ZNF106: variants seen among roughly 807,000 people sequenced by gnomAD.
ZNF106 encodes the protein SH3-domain binding protein 3.
Under a neutral mutation model 195.1 loss-of-function variants are expected in ZNF106, and 67 were observed. The observed-to-expected ratio is 0.34, with a 90% CI of 0.28 to 0.42. The LOEUF (loss-of-function observed/expected upper bound fraction) is 0.42. Among genes scored for constraint, ZNF106 ranks in the 10% least tolerant of loss-of-function variants. The pLI is 1.00. For synonymous variants in ZNF106, 784 were observed against 818.6 expected (o/e 0.96, Z 0.72); for missense variants, 2,118 against 2,304.5 (o/e 0.92, Z 1.66).
At chr15:42,422,768 AATACAACTGT>A (rs2054716236) in intron 17 of ZNF106, 148 bp from the exon 18 acceptor site, 2 of 742,974 alleles carry the variant, frequency 2.7e-6, no homozygotes, top group Admixed American at 3.8e-5. Context: ...AAATACAGTT[AATACAACTGT>A]ATTAACTTTA....
At chr15:42,445,907 T>C (rs948909410) in intron 7 of ZNF106, among the ~76,000 whole-genome samples, 2 of 152,188 alleles carry the variant, frequency 1.3e-5, no homozygotes, top group South Asian at 2.1e-4. Flanking sequence ...CTTCTTTCCA[T>C]AATTCACTTT....
intron 6 of ZNF106, among the ~76,000 whole-genome samples, chr15:42,447,729 T>C (rs1257115573): frequency 6.6e-6 from 1 of 152,240 alleles, no homozygotes; most frequent in African/African-American, 2.4e-5. Context: ...AACGCCTTTC[T>C]TCAGTAGCAG....
At chr15:42,481,860 T>C (rs922094822) in intron 1 of ZNF106, among the ~76,000 whole-genome samples, 4 of 152,192 alleles carry the variant, frequency 2.6e-5, no homozygotes, top group Admixed American at 2.0e-4. Context: ...TGTCTGTCAA[T>C]AGTTTAACTA....
chr15:42,475,477 AAAGT>A (rs2056766855), intron 1 of ZNF106, among the ~76,000 whole-genome samples: 1 of 152,216 alleles, frequency 6.6e-6, no homozygotes, highest in Admixed American at 6.5e-5. Flanking sequence ...TCAAAACACT[AAAGT>A]AAGATTATCG....
intron 1 of ZNF106, among the ~76,000 whole-genome samples, chr15:42,487,189 G>A (rs1425834511): frequency 6.6e-6 from 1 of 151,200 alleles, no homozygotes; most frequent in Non-Finnish European, 1.5e-5. Flanking sequence ...AAGCTTATAG[G>A]GAAAATATGG....
intron 1 of ZNF106, among the ~76,000 whole-genome samples, chr15:42,474,873 T>C (rs1030753177): frequency 1.3e-5 from 2 of 152,198 alleles, no homozygotes; most frequent in Non-Finnish European, 1.5e-5. Context: ...ATGCTCTATA[T>C]GAAATTTTAA....
chr15:42,478,320 T>C (rs1245656311), intron 1 of ZNF106, among the ~76,000 whole-genome samples: 1 of 151,466 alleles, frequency 6.6e-6, no homozygotes, highest in East Asian at 2.0e-4. Context: ...CCCGCCACCA[T>C]GCCCCGCTAA....
chr15:42,487,262 A>G (rs1383311457), intron 1 of ZNF106, among the ~76,000 whole-genome samples: 2 of 152,096 alleles, frequency 1.3e-5, no homozygotes, highest in Non-Finnish European at 2.9e-5. Flanking sequence ...CAACAGAATC[A>G]CTTGAGGCCA....
At chr15:42,446,469 C>G in intron 7 of ZNF106, 120 bp downstream of exon 7, 1 of 752,292 alleles carries the variant, frequency 1.3e-6, no homozygotes, top group South Asian at 1.6e-5. Flanking sequence ...CCTAGCTGCT[C>G]GGGAGGCTGA....
chr15:42,449,735 G>T, intron 5 of ZNF106, 36 bp downstream of exon 5: 1 of 1,566,536 alleles, frequency 6.4e-7, no homozygotes, highest in Non-Finnish European at 8.6e-7. Flanking sequence ...TTAAAAGAAA[G>T]TGAGGAAAAA....
In ZNF106 at chr15:42,444,817, A is replaced by G. The variant is rs1332746459; in HGVS notation, c.3360+10T>C. 9.9e-6 allele frequency: 16 copies of G among 1,612,460 alleles called. No homozygotes were observed. The highest frequency in any genetic ancestry group is 1.3e-5 in the African/African-American group (1 of 74,808). On this transcript the variant is annotated intron_variant, in intron 8 of 21. Coordinates refer to ENST00000564754, the MANE Select transcript of ZNF106 (RefSeq NM_001366845.3). ...GATCCATTTTTATTAAATCCTCCAC[A>G]TGCTGTTACCTGCTGCTTGAGCATA... is the stretch of plus-strand genomic sequence containing the variant.
intron 3 of ZNF106, among the ~76,000 whole-genome samples, chr15:42,461,166 C>T (rs1255346491): frequency 6.6e-6 from 1 of 152,210 alleles, no homozygotes; most frequent in Non-Finnish European, 1.5e-5. Flanking sequence ...CTGTTCTCTA[C>T]ACAACAGGCA....
chr15:42,475,517 G>A (rs116222748), intron 1 of ZNF106, among the ~76,000 whole-genome samples: 3 of 152,116 alleles, frequency 2.0e-5, no homozygotes, highest in Non-Finnish European at 2.9e-5. Flanking sequence ...ATTTAAGAAA[G>A]CTGAATGTCA....
At chr15:42,421,865 T>C in intron 19 of ZNF106, 52 bp downstream of exon 19, 1 of 1,459,130 alleles carries the variant, frequency 6.9e-7, no homozygotes, top group South Asian at 1.4e-5. Flanking sequence ...GACAAGAATT[T>C]TTTAGCAAAC....
intron 3 of ZNF106, among the ~76,000 whole-genome samples, chr15:42,462,737 A>C (rs2056422767): frequency 6.6e-6 from 1 of 152,194 alleles, no homozygotes; most frequent in African/African-American, 2.4e-5. Flanking sequence ...TTTACTTTTT[A>C]AACAACTTTT....
At chr15:42,457,358 T>G (rs2056262834) in intron 3 of ZNF106, 200 bp from the exon 4 acceptor site, 4 of 1,429,008 alleles carry the variant, frequency 2.8e-6, no homozygotes, top group African/African-American at 2.9e-5. Flanking sequence ...AAGATTCTTT[T>G]CCAGCAATCA....
rs2055571757 is a variant in ZNF106, at chr15:42,442,325, C to T, written c.3511G>A (p.Ala1171Thr). The T allele has an allele frequency of 2.5e-6, 4 of 1,614,132 alleles. No homozygotes were observed. The Middle Eastern group carries it at 5.0e-4, about 200-fold the overall frequency. The change falls in exon 10 of 22, where the codon GCC (alanine) becomes ACC (threonine). Residue 1171 changes from alanine to threonine, a missense_variant. Coordinates refer to ENST00000564754, the MANE Select transcript of ZNF106 (RefSeq NM_001366845.3). ...RNSRSQTSIDAALLPTPFFPL... is the reference protein window; with the variant it reads ...RNSRSQTSIDTALLPTPFFPL... ...AAAAAGGGAGTGGGCAGCAGTGCGG[C>T]ATCAATGGATGTTTGAGATCTACTG...
At chr15:42,444,160 C>T (rs1380901930) in intron 9 of ZNF106, 42 bp downstream of exon 9, 1 of 589,504 alleles carries the variant, frequency 1.7e-6, no homozygotes, top group East Asian at 4.5e-5. Flanking sequence ...AAAAAAGTAA[C>T]ACGCTATAGA....
intron 1 of ZNF106, among the ~76,000 whole-genome samples, chr15:42,484,160 C>T (rs1412748850): frequency 1.3e-5 from 2 of 152,136 alleles, no homozygotes; most frequent in Non-Finnish European, 2.9e-5. Context: ...CCAATTGTCA[C>T]CATACAATTT....
Sources: gnomAD v4.1 joint callset for allele counts (sites outside exome capture counted in the v4.1 genomes callset) on GRCh38, gnomAD v4.1.1 for gene constraint, MANE v1.5 for transcripts, NCBI Gene and HGNC (gene_info 2026-07-23, HGNC 2026-07-21) for gene names.